The following AMPH variants were observed in gnomAD, a reference collection of about 807,000 sequenced individuals.
AMPH encodes amphiphysin, also known as amphiphysin (Stiff-Mann syndrome with breast cancer 128kD autoantigen).
A neutral mutation model predicts 99.1 loss-of-function variants in AMPH; 49 were observed. That is an observed-to-expected ratio of 0.49 (90% CI 0.39 to 0.63). The LOEUF (loss-of-function observed/expected upper bound fraction) is 0.63. Ranked by LOEUF, AMPH falls within the 20% of genes least tolerant of loss-of-function variation. The pLI, the probability that AMPH is intolerant of heterozygous loss-of-function variation, is 0.00. For synonymous variants in AMPH, 314 were observed against 317.3 expected (o/e 0.99, Z 0.11); for missense variants, 759 against 863.4 (o/e 0.88, Z 1.52).
chr7:38,582,222 G>A (rs59408104), intron 1 of AMPH, among the ~76,000 whole-genome samples: 42,835 of 152,090 alleles, frequency 0.28, 6,436 homozygotes, highest in Non-Finnish European at 0.34. Flanking sequence ...GAAGAAAATA[G>A]TTCAAGGATG....
chr7:38,438,279 C>G (rs1279989263), intron 11 of AMPH, among the ~76,000 whole-genome samples: 2 of 152,112 alleles, frequency 1.3e-5, no homozygotes, highest in African/African-American at 4.8e-5. Flanking sequence ...CTGCATTGTA[C>G]CTGCCTTTTC....
chr7:38,581,349 A>G (rs1792453475), intron 1 of AMPH, among the ~76,000 whole-genome samples: 1 of 152,120 alleles, frequency 6.6e-6, no homozygotes, highest in Admixed American at 6.6e-5. Flanking sequence ...TCGACAACAG[A>G]GTGAACCCTC....
intron 17 of AMPH, among the ~76,000 whole-genome samples, chr7:38,417,558 T>A (rs894907151): frequency 1.3e-5 from 2 of 152,246 alleles, no homozygotes; most frequent in Non-Finnish European, 2.9e-5. Context: ...CAGGTCTGAT[T>A]ACTCGCAAGT....
intron 20 of AMPH, among the ~76,000 whole-genome samples, chr7:38,387,091 T>C (rs971114971): frequency 6.6e-6 from 1 of 152,168 alleles, no homozygotes; most frequent in Non-Finnish European, 1.5e-5. Context: ...TAACAAAGTA[T>C]AAAACCAACT....
At chr7:38,492,535 G>C (rs3778879) in intron 4 of AMPH, among the ~76,000 whole-genome samples, 14,768 of 152,232 alleles carry the variant, frequency 0.097, 963 homozygotes, top group Middle Eastern at 0.2. Context: ...TTGAAAAGTA[G>C]TCCTAATTTT....
chr7:38,526,197 A>AT (rs1790178532), intron 2 of AMPH, among the ~76,000 whole-genome samples: 1 of 151,874 alleles, frequency 6.6e-6, no homozygotes, highest in Admixed American at 6.6e-5. Flanking sequence ...CTAAATAGGT[A>AT]TTAAAAATCT....
At chr7:38,452,364 T>C (rs924169620) in intron 11 of AMPH, among the ~76,000 whole-genome samples, 1 of 152,250 alleles carries the variant, frequency 6.6e-6, no homozygotes, top group Non-Finnish European at 1.5e-5. Flanking sequence ...TAGTTTTCAA[T>C]GCTGTACTTC....
At chr7:38,428,969 C>T (rs930586271) in intron 14 of AMPH, 15 of 1,268,828 alleles carry the variant, frequency 1.2e-5, no homozygotes, top group Middle Eastern at 4.3e-4. Flanking sequence ...GAAGTTCTAC[C>T]ACTCTGTTTC....
intron 16 of AMPH, among the ~76,000 whole-genome samples, chr7:38,418,736 T>C (rs1785481397): frequency 6.6e-6 from 1 of 152,190 alleles, no homozygotes; most frequent in African/African-American, 2.4e-5. Flanking sequence ...GGCAGTATTC[T>C]CCATGGTTTC....
chr7:38,418,113 A>G (rs1180919962), intron 16 of AMPH, 163 bp from the exon 17 acceptor site: 2 of 652,784 alleles, frequency 3.1e-6, no homozygotes, highest in East Asian at 6.3e-5. Flanking sequence ...ATAGGCTTTT[A>G]GAGAATGGAA....
At chr7:38,509,498 T>C (rs1363172526) in intron 2 of AMPH, among the ~76,000 whole-genome samples, 1 of 152,222 alleles carries the variant, frequency 6.6e-6, no homozygotes, top group African/African-American at 2.4e-5. Context: ...ACTAACTTTT[T>C]TGAGTTTATA....
At chr7:38,477,131 A>G (rs919181661) in intron 5 of AMPH, among the ~76,000 whole-genome samples, 162 bp from the exon 6 acceptor site, 3 of 152,104 alleles carry the variant, frequency 2.0e-5, no homozygotes, top group Admixed American at 2.0e-4. Context: ...CCTGAAAATC[A>G]GATGAACACC....
intron 1 of AMPH, among the ~76,000 whole-genome samples, chr7:38,559,608 T>C (rs1313462827): frequency 2.6e-5 from 4 of 152,236 alleles, no homozygotes; most frequent in East Asian, 1.9e-4. Context: ...TGAATACTTA[T>C]GCTGTGCCAA....
At chr7:38,581,248 G>A (rs980763982) in intron 1 of AMPH, among the ~76,000 whole-genome samples, 8 of 152,182 alleles carry the variant, frequency 5.3e-5, no homozygotes, top group African/African-American at 1.9e-4. Context: ...GCAGGAAAGG[G>A]GGGAAAGAGT....
chr7:38,484,998 AT>A (rs930107788), intron 5 of AMPH, among the ~76,000 whole-genome samples: 190 of 152,058 alleles, frequency 1.2e-3, no homozygotes, highest in African/African-American at 4.4e-3. Context: ...AAACAAAAAA[AT>A]CAAAGCATAT....
chr7:38,488,773 G>C (rs550146853), intron 5 of AMPH, among the ~76,000 whole-genome samples: 2 of 151,786 alleles, frequency 1.3e-5, no homozygotes, highest in South Asian at 4.2e-4. Flanking sequence ...AAATACTTAA[G>C]AATAAACCTA....
intron 17 of AMPH, among the ~76,000 whole-genome samples, chr7:38,405,220 C>T (rs1562731150): frequency 6.6e-6 from 1 of 152,172 alleles, no homozygotes; most frequent in South Asian, 2.1e-4. Context: ...GAGTTCTCAA[C>T]ATGGAAGGGG....
At chr7:38,596,780 T>C (rs1793074176) in intron 1 of AMPH, among the ~76,000 whole-genome samples, 1 of 152,192 alleles carries the variant, frequency 6.6e-6, no homozygotes, top group Non-Finnish European at 1.5e-5. Context: ...TACCTCCCAG[T>C]GGACCCTCCA....
At chr7:38,525,348 C>T (rs1033549387) in intron 2 of AMPH, among the ~76,000 whole-genome samples, 4 of 146,238 alleles carry the variant, frequency 2.7e-5, no homozygotes, top group African/African-American at 5.1e-5. Flanking sequence ...TCTTCCTTCA[C>T]AGCGACATTT....
Sources: gnomAD v4.1 joint callset for allele counts (sites outside exome capture counted in the v4.1 genomes callset) on GRCh38, gnomAD v4.1.1 for gene constraint, MANE v1.5 for transcripts, NCBI Gene and HGNC (gene_info 2026-07-23, HGNC 2026-07-21) for gene names.